The following IPO8 variants were observed in gnomAD, a reference collection of about 807,000 sequenced individuals.
IPO8 encodes the protein importin-8.
In IPO8, 65 loss-of-function variants were observed where a neutral mutation model predicts 141.2. That is an observed-to-expected ratio of 0.46 (90% CI 0.38 to 0.57). IPO8 has a LOEUF of 0.57. Ranked by LOEUF, IPO8 falls within the 20% of genes least tolerant of loss-of-function variation. IPO8 has a pLI of 0.00. For synonymous variants in IPO8, 411 were observed against 420.3 expected, an observed-to-expected ratio of 0.98 and a Z score of 0.27; for missense variants, 980 against 1,246.8, an observed-to-expected ratio of 0.79 and a Z score of 3.22.
chr12:30,653,049 G>T lies in IPO8; in HGVS notation c.1992C>A (p.Cys664Ter). 6.2e-7 allele frequency: 1 copy of T among 1,611,308 alleles called. No homozygotes were observed. ...GCCACATTTGAGGGGAAATACTGTG[G>T]CAGGTTAAACTGTATGCCAGGGAAA... The part of the protein sequence containing the change: ...EILSLAYSLT[C>*]HSISPQMWQL... The change falls in exon 18 of 25, where the codon TGC becomes TGA. Residue 664 changes from cysteine to a stop codon, truncating the protein, a stop_gained. Transcript: ENST00000256079. LOFTEE classifies it high-confidence loss of function.
intron 8 of IPO8, among the ~76,000 whole-genome samples, chr12:30,671,589 G>C (rs2053050677): frequency 6.7e-6 from 1 of 150,316 alleles, no homozygotes. Context: ...CAGGAGAATG[G>C]CATGAACCCC....
At chr12:30,659,862 A>AC (rs984316876) in intron 16 of IPO8, among the ~76,000 whole-genome samples, 12 of 149,346 alleles carry the variant, frequency 8.0e-5, no homozygotes, top group South Asian at 6.4e-4. Context: ...CTCAAAACAA[A>AC]AAAAAAAAAA....
At chr12:30,686,575 T>C (rs2053244713) in intron 2 of IPO8, 1 of 152,150 alleles carries the variant, frequency 6.6e-6, no homozygotes, top group Admixed American at 6.5e-5. Flanking sequence ...CTTGAACTCC[T>C]GGGCTCAAGT....
rs1336537347 is a variant in IPO8 at position 30,630,026 on chromosome 12, T to A, written c.*834A>T. 3 of 152,166 alleles carry A rather than the reference T, an allele frequency of 2.0e-5. No individual in the cohort carries two copies. The highest frequency in any genetic ancestry group is 7.2e-5 in the African/African-American group (3 of 41,444). 9.4% of individuals were successfully genotyped at this position (152,166 alleles called of 1,614,324 possible). On this transcript the variant is annotated 3_prime_UTR_variant, in exon 25 of 25. Coordinates refer to ENST00000256079, the MANE Select transcript of IPO8 (RefSeq NM_006390.4). ...TTATCAATTAATTGCATAATTACAT[T>A]ATTCAGAATATACTCAGACTTACTG...
chr12:30,649,914 ATAAAT>A (rs1441678900), intron 19 of IPO8, among the ~76,000 whole-genome samples: 1 of 152,132 alleles, frequency 6.6e-6, no homozygotes, highest in Non-Finnish European at 1.5e-5. Flanking sequence ...GGTAAAAAGA[ATAAAT>A]TAATGATTCA....
chr12:30,650,496 C>T (rs2136138134), intron 19 of IPO8, among the ~76,000 whole-genome samples: 1 of 152,164 alleles, frequency 6.6e-6, no homozygotes, highest in African/African-American at 2.4e-5. Context: ...CAGTATACCA[C>T]AGTCTAGCTT....
intron 5 of IPO8, among the ~76,000 whole-genome samples, chr12:30,680,058 T>C (rs928032285): frequency 1.3e-5 from 2 of 152,174 alleles, no homozygotes; most frequent in Non-Finnish European, 2.9e-5. Context: ...TTGAGTCAAA[T>C]GCAAAGAAAC....
At chr12:30,686,530 T>C (rs2053244099) in intron 2 of IPO8, 1 of 152,192 alleles carries the variant, frequency 6.6e-6, no homozygotes, top group Non-Finnish European at 1.5e-5. Context: ...TGTATTTTTG[T>C]AGAGACAGGG....
chr12:30,672,110 C>T (rs2053059932), intron 8 of IPO8, among the ~76,000 whole-genome samples: 2 of 152,164 alleles, frequency 1.3e-5, no homozygotes, highest in South Asian at 4.1e-4. Context: ...CACCTCTGAA[C>T]TGGCTCAAGG....
chr12:30,658,676 C>T (rs1591831581), intron 16 of IPO8, among the ~76,000 whole-genome samples: 1 of 152,232 alleles, frequency 6.6e-6, no homozygotes. Flanking sequence ...AAGGTCTCTT[C>T]AAATTTAAAA....
intron 17 of IPO8, among the ~76,000 whole-genome samples, chr12:30,653,430 C>T (rs1174456400): frequency 6.6e-6 from 1 of 151,870 alleles, no homozygotes; most frequent in Non-Finnish European, 1.5e-5. Context: ...ATTATCATTC[C>T]TCATTTATGT....
intron 22 of IPO8, 150 bp from the exon 23 acceptor site, chr12:30,634,436 C>A: frequency 1.7e-6 from 1 of 599,756 alleles, no homozygotes; most frequent in Non-Finnish European, 2.9e-6. Flanking sequence ...TATCCCTGGT[C>A]TAAAGAGGAG....
At chr12:30,690,118 C>T (rs968327551) in intron 2 of IPO8, among the ~76,000 whole-genome samples, 5 of 152,182 alleles carry the variant, frequency 3.3e-5, no homozygotes, top group African/African-American at 9.7e-5. Context: ...TGATTTGCCA[C>T]GTAACAGAGC....
rs1293225075 is a variant in IPO8, at chr12:30,629,689, C to A, written c.*1171G>T. The A allele has an allele frequency of 6.6e-6, 1 of 152,134 alleles. No homozygotes were observed. The highest frequency in any genetic ancestry group is 2.4e-5 in the African/African-American group (1 of 41,438). 9.4% of individuals were successfully genotyped at this position (152,134 alleles called of 1,614,324 possible). On this transcript the variant is annotated 3_prime_UTR_variant, in exon 25 of 25. Coordinates refer to ENST00000256079, the MANE Select transcript of IPO8 (RefSeq NM_006390.4). The stretch of plus-strand genomic sequence containing the variant: ...TAGGTCAGAAAAACACTGTAATCTC[C>A]ATATGCAATATTTCCTATAGGCAAC...
chr12:30,653,009 G>T lies in IPO8; in HGVS notation c.2032C>A (p.Leu678Ile). The T allele has an allele frequency of 6.2e-7, 1 of 1,611,798 alleles. No homozygotes were observed. Among genetic ancestry groups the T allele is most frequent in the Non-Finnish European group, 8.5e-7 (1 of 1,178,716 alleles). The change falls in exon 18 of 25, where the codon CTA (leucine) becomes ATA (isoleucine). Residue 678 changes from leucine (L) to isoleucine (I), a missense_variant. By Grantham distance (5) the Leu-to-Ile change is conservative (BLOSUM62 2). Transcript: ENST00000256079. ...CAATCCTGCTGAAACACTTCATATAGTATACCTAGAAGCTGCCACATTTGA... is the reference window on the plus strand; with the variant it reads ...CAATCCTGCTGAAACACTTCATATATTATACCTAGAAGCTGCCACATTTGA... ...SPQMWQLLGI[L>I]YEVFQQDCFE... is the part of the protein sequence containing the mutation.
At chr12:30,687,780 A>G (rs2136174999) in intron 2 of IPO8, among the ~76,000 whole-genome samples, 1 of 152,312 alleles carries the variant, frequency 6.6e-6, no homozygotes, top group South Asian at 2.1e-4. Flanking sequence ...GCACTCTGCA[A>G]TGCTGACGTC....
intron 2 of IPO8, among the ~76,000 whole-genome samples, chr12:30,689,608 A>C (rs924579194): frequency 6.6e-6 from 1 of 152,150 alleles, no homozygotes; most frequent in African/African-American, 2.4e-5. Flanking sequence ...TCTATGTTCA[A>C]ATCAAATTAA....
At chr12:30,684,008 G>A (rs2053214943) in intron 3 of IPO8, among the ~76,000 whole-genome samples, 1 of 152,124 alleles carries the variant, frequency 6.6e-6, no homozygotes, top group Non-Finnish European at 1.5e-5. Flanking sequence ...AAGAATAAAG[G>A]TCATTTAAGT....
chr12:30,670,886 T>G, intron 9 of IPO8, 76 bp downstream of exon 9: 2 of 1,196,556 alleles, frequency 1.7e-6, no homozygotes. Context: ...AAATATAGGA[T>G]TAGTAATACT....
Sources: gnomAD v4.1 joint callset for allele counts (sites outside exome capture counted in the v4.1 genomes callset) on GRCh38, gnomAD v4.1.1 for gene constraint, MANE v1.5 for transcripts, NCBI Gene and HGNC (gene_info 2026-07-23, HGNC 2026-07-21) for gene names.